CLGN: variants seen among roughly 807,000 people sequenced by gnomAD.
CLGN encodes testis tissue sperm-binding protein Li 79P.
CLGN carries 62 observed loss-of-function variants against 79.1 expected under a neutral mutation model. The observed-to-expected ratio is 0.78, with a 90% confidence interval of 0.64 to 0.97. The LOEUF (loss-of-function observed/expected upper bound fraction) is 0.97, where lower values mean the gene tolerates loss of function less well. Among genes scored for constraint, CLGN ranks in the 50% least tolerant of loss-of-function variants. The probability of loss-of-function intolerance (pLI) is 0.00; values close to 1 mark genes in which losing one functional copy is unlikely to be tolerated. For synonymous variants in CLGN, 225 were observed against 224.7 expected, an observed-to-expected ratio of 1.00 and a Z score of -0.01; for missense variants, 647 against 715.5, an observed-to-expected ratio of 0.90 and a Z score of 1.09.
At chr4:140,418,539 G>T (rs1193316763) in intron 1 of CLGN, among the ~76,000 whole-genome samples, 3 of 145,822 alleles carry the variant, frequency 2.1e-5, no homozygotes, top group Non-Finnish European at 3.0e-5. Flanking sequence ...AAAAGTGGGC[G>T]AAGGACATGA....
chr4:140,425,751 C>T (rs1310504687), intron 1 of CLGN, among the ~76,000 whole-genome samples: 1 of 150,914 alleles, frequency 6.6e-6, no homozygotes, highest in African/African-American at 2.4e-5. Flanking sequence ...GTCTCAGCCT[C>T]CCGAGTAGCT....
intron 3 of CLGN, among the ~76,000 whole-genome samples, chr4:140,410,138 G>A (rs1729183257): frequency 6.6e-6 from 1 of 151,888 alleles, no homozygotes; most frequent in African/African-American, 2.4e-5. Context: ...AAGAAACCTC[G>A]GTTTCTCCAC....
At chr4:140,408,250 C>A (rs1467227031) in intron 4 of CLGN, among the ~76,000 whole-genome samples, 2 of 152,010 alleles carry the variant, frequency 1.3e-5, no homozygotes, top group Non-Finnish European at 2.9e-5. Context: ...CAGAAAAACT[C>A]TTCTAGACAT....
chr4:140,392,082 A>G, intron 13 of CLGN, 137 bp downstream of exon 13: 1 of 1,071,128 alleles, frequency 9.3e-7, no homozygotes, highest in East Asian at 2.4e-5. Context: ...CCTTCTTGCC[A>G]CAGTCACATA....
At position 140,400,523 on chromosome 4, in the gene CLGN, A is replaced by G; in HGVS notation, c.528T>C (p.Tyr176=). The G allele has an allele frequency of 6.3e-7, 1 of 1,594,614 alleles. No individual in the cohort carries two copies. The highest frequency in any genetic ancestry group is 1.3e-5 in the African/African-American group (1 of 74,220). The part of the protein sequence containing the change: ...ILENFYDKTS[Y]IIMFGPDKCG... ...ATTTATCTGGTCCAAACATAATGATATAGGATGTTTTATCATAAAAGTTTT... is the reference window on the plus strand; with the variant it reads ...ATTTATCTGGTCCAAACATAATGATGTAGGATGTTTTATCATAAAAGTTTT... Residue 176 remains tyrosine, a synonymous_variant, in exon 7 of 15, where the codon TAT becomes TAC. Coordinates refer to ENST00000325617, the MANE Select transcript of CLGN (RefSeq NM_004362.3).
chr4:140,417,000 C>A (rs987014304), intron 1 of CLGN, among the ~76,000 whole-genome samples: 1 of 152,024 alleles, frequency 6.6e-6, no homozygotes, highest in African/African-American at 2.4e-5. Context: ...AGCTTATCCA[C>A]CATGATGAAG....
At chr4:140,400,639 A>G (rs1030595324) in intron 6 of CLGN, 90 bp from the exon 7 acceptor site, 5 of 722,090 alleles carry the variant, frequency 6.9e-6, no homozygotes, top group Non-Finnish European at 8.9e-6. Context: ...GAGTTTACAA[A>G]AATATATTAA....
intron 1 of CLGN, chr4:140,426,600 A>G (rs1729572043): frequency 6.6e-6 from 1 of 152,278 alleles, no homozygotes; most frequent in Non-Finnish European, 1.5e-5. Flanking sequence ...AAGCAAAATC[A>G]TCAGATGAGA....
intron 8 of CLGN, among the ~76,000 whole-genome samples, chr4:140,398,005 G>C (rs1260964878): frequency 2.0e-5 from 3 of 152,264 alleles, no homozygotes; most frequent in Non-Finnish European, 4.4e-5. Context: ...CAGAAAGATA[G>C]AAATTTTAAA....
At chr4:140,412,890 A>G (rs747512222) in intron 2 of CLGN, 45 bp downstream of exon 2, 3 of 1,530,274 alleles carry the variant, frequency 2.0e-6, no homozygotes. Context: ...ACTTCATTGT[A>G]CTATGTAAAG....
chr4:140,398,235 G>T (rs1405234581), intron 8 of CLGN, among the ~76,000 whole-genome samples: 10 of 142,408 alleles, frequency 7.0e-5, no homozygotes, highest in Non-Finnish European at 3.1e-5. Flanking sequence ...GTTATATGTG[G>T]TTTCTCTCAT....
intron 8 of CLGN, among the ~76,000 whole-genome samples, 183 bp downstream of exon 8, chr4:140,398,668 T>TA (rs536861220): frequency 1.2e-3 from 187 of 151,064 alleles, no homozygotes; most frequent in African/African-American, 4.1e-3. Context: ...TCAATAGAAA[T>TA]AAAAAAAAAT....
intron 1 of CLGN, among the ~76,000 whole-genome samples, chr4:140,415,363 A>G (rs1315230906): frequency 2.0e-5 from 3 of 150,536 alleles, no homozygotes; most frequent in Admixed American, 1.3e-4. Flanking sequence ...TTAACTTTAA[A>G]TGTAAATGGA....
At chr4:140,413,887 C>A (rs1437299834) in intron 1 of CLGN, among the ~76,000 whole-genome samples, 1 of 152,254 alleles carries the variant, frequency 6.6e-6, no homozygotes, top group African/African-American at 2.4e-5. Context: ...CCTCTGTAGG[C>A]TCCACCTCTG....
At chr4:140,413,217 A>C in intron 1 of CLGN, 130 bp from the exon 2 acceptor site, 1 of 669,142 alleles carries the variant, frequency 1.5e-6, no homozygotes, top group East Asian at 2.9e-5. Flanking sequence ...CAAATCACTG[A>C]CAAAATTATT....
At chr4:140,404,854 G>A (rs1455642482) in intron 5 of CLGN, among the ~76,000 whole-genome samples, 1 of 151,664 alleles carries the variant, frequency 6.6e-6, no homozygotes, top group Non-Finnish European at 1.5e-5. Flanking sequence ...TCGGGGTTTT[G>A]CCATGTTGCC....
At chr4:140,424,788 G>A (rs1179787881) in intron 1 of CLGN, among the ~76,000 whole-genome samples, 3 of 152,136 alleles carry the variant, frequency 2.0e-5, no homozygotes, top group Admixed American at 2.0e-4. Context: ...ACATCCTTCT[G>A]CACCAACACG....
chr4:140,416,793 C>T (rs1211999954), intron 1 of CLGN, among the ~76,000 whole-genome samples: 1 of 152,096 alleles, frequency 6.6e-6, no homozygotes, highest in South Asian at 2.1e-4. Context: ...TGCTACCATT[C>T]CTTCTGAAAC....
At chr4:140,416,964 A>G (rs1368609025) in intron 1 of CLGN, among the ~76,000 whole-genome samples, 1 of 152,230 alleles carries the variant, frequency 6.6e-6, no homozygotes, top group Non-Finnish European at 1.5e-5. Context: ...AAATACTGCC[A>G]AACTGAATCC....
Sources: allele counts gnomAD v4.1 joint callset (sites outside exome capture counted in the v4.1 genomes callset), GRCh38; gene constraint gnomAD v4.1.1; transcripts MANE v1.5; gene names NCBI Gene and HGNC (gene_info 2026-07-23, HGNC 2026-07-21).